Variants in ITM2C observed in about 807,000 individuals in gnomAD.
ITM2C encodes the protein BRICHOS domain containing 2C.
Under a neutral mutation model 30.0 loss-of-function variants are expected in ITM2C, and 20 were observed. The ratio of observed to expected loss-of-function variants is 0.67; its 90% CI spans 0.47 to 0.97. ITM2C has a LOEUF of 0.97. Ranked by LOEUF, ITM2C falls within the 50% of genes least tolerant of loss-of-function variation. ITM2C has a pLI of 0.00. For synonymous variants in ITM2C, 167 were observed against 156.4 expected (o/e 1.07, Z -0.51); for missense variants, 366 against 371.9 (o/e 0.98, Z 0.13).
chr2:230,878,136 T>G lies in ITM2C; in HGVS notation c.*37T>G. On this transcript the variant is annotated 3_prime_UTR_variant, in exon 6 of 6. Coordinates refer to ENST00000326427, the MANE Select transcript of ITM2C (RefSeq NM_030926.6). The surrounding 1 kb of genome is among the most constrained non-coding windows in gnomAD (Gnocchi z 4.5). ...CCCAGAACCCCCTGCCGTGTTCCTC[T>G]TTTCTTCTTTCCGGCTGCTCTCTGG... is the stretch of plus-strand genomic sequence containing the variant. 2 of 1,459,898 alleles carry G rather than the reference T, an allele frequency of 1.4e-6. No individual in the cohort carries two copies. Among genetic ancestry groups the G allele is most frequent in the Non-Finnish European group, 1.9e-6 (2 of 1,075,596 alleles). 90.4% of individuals were successfully genotyped at this position (1,459,898 alleles called of 1,614,324 possible). A position where few individuals can be genotyped will look rare whatever the true frequency, so the allele number is the denominator to read the frequency against.
chr2:230,867,796 A>C (rs2918011), intron 1 of ITM2C, among the ~76,000 whole-genome samples: 1 of 151,170 alleles, frequency 6.6e-6, no homozygotes, highest in African/African-American at 2.4e-5. Flanking sequence ...GTAGCTGGGA[A>C]TAAAGGCACC....
In ITM2C at chr2:230,875,691, G is replaced by A. The variant is rs748123025; in HGVS notation, c.333G>A (p.Gln111=). 6.2e-7 allele frequency: 1 copy of A among 1,613,998 alleles called. No individual in the cohort carries two copies. Among genetic ancestry groups the A allele is most frequent in the South Asian group, 1.1e-5 (1 of 91,072 alleles). The stretch of plus-strand genomic sequence containing the variant: ...CCCTGTCCTCCCAGGTCCGGACTCA[G>A]ATGGAGCTGGAAGAGGATGTGAAAA... ...EDSLSSQVRT[Q]MELEEDVKIY... is the part of the protein sequence containing the mutation. The change falls in exon 3 of 6, where the codon CAG becomes CAA. Residue 111 remains glutamine (Q), a synonymous_variant. Transcript: ENST00000326427.
chr2:230,878,180 C>A lies in ITM2C; in HGVS notation c.*81C>A. 9.7e-7 allele frequency: 1 copy of A among 1,028,906 alleles called. No homozygotes were observed. The highest frequency in any genetic ancestry group is 1.4e-6 in the Non-Finnish European group (1 of 710,166). 63.7% of individuals were successfully genotyped at this position (1,028,906 alleles called of 1,614,324 possible). On this transcript the variant is annotated 3_prime_UTR_variant, in exon 6 of 6. Transcript: ENST00000326427. This position sits in a 1 kb window ranked among gnomAD's most constrained non-coding sequence, Gnocchi z 4.5. The stretch of plus-strand genomic sequence containing the variant: ...TCTCTGGCCCTCCTCCTTCCCCCTG[C>A]TTAGCTTGTACTTTGGACGCGTTTC...
intron 2 of ITM2C, among the ~76,000 whole-genome samples, chr2:230,875,192 T>G (rs1266679438): frequency 6.6e-6 from 1 of 152,202 alleles, no homozygotes; most frequent in African/African-American, 2.4e-5. Flanking sequence ...TCTGCACCTC[T>G]GTGGAGGGCA....
chr2:230,871,171 G>A lies in ITM2C; in HGVS notation c.121-2246G>A, dbSNP rs1417771707. ...GAGAAGGGGGAGGTTGCAGGGCCCC[G>A]CTGGGCCTGTAGCCCCACTTGACCC... On this transcript the variant is annotated intron_variant, in intron 1 of 5. Transcript: ENST00000326427. Among the ~76,000 whole-genome samples the A allele has an allele frequency of 3.9e-5, 6 of 152,340 alleles. No individual in the cohort carries two copies. The South Asian group carries it at 6.2e-4, about 16-fold the overall frequency.
Position 230,875,683 on chromosome 2 carries a change from CG to C in ITM2C, c.327del (p.Thr110LeufsTer9). Reference protein sequence around the residue: ...LYEDSLSSQVRTQMELEEDVK... With the variant: ...LYEDSLSSQVXTQMELEEDVK... ...TGAGGACTCCCTGTCCTCCCAGGTCCGGACTCAGATGGAGCTGGAAGAGGAT... is the reference window on the plus strand; with the variant it reads ...TGAGGACTCCCTGTCCTCCCAGGTCCGACTCAGATGGAGCTGGAAGAGGAT... On this transcript the variant is annotated frameshift_variant, in exon 3 of 6. Coordinates refer to ENST00000326427, the MANE Select transcript of ITM2C (RefSeq NM_030926.6). LOFTEE classifies it high-confidence loss of function. 1 of 1,613,938 alleles carries C rather than the reference CG, an allele frequency of 6.2e-7. No homozygotes were observed. The highest frequency in any genetic ancestry group is 1.3e-5 in the African/African-American group (1 of 75,042).
Position 230,878,161 on chromosome 2 carries a change from G to A in ITM2C, c.*62G>A. Reference sequence around the variant, plus strand: ...TTTTCTTCTTTCCGGCTGCTCTCTGGCCCTCCTCCTTCCCCCTGCTTAGCT... The same window carrying A: ...TTTTCTTCTTTCCGGCTGCTCTCTGACCCTCCTCCTTCCCCCTGCTTAGCT... On this transcript the variant is annotated 3_prime_UTR_variant, in exon 6 of 6. Coordinates refer to ENST00000326427, the MANE Select transcript of ITM2C (RefSeq NM_030926.6). This position sits in a 1 kb window ranked among gnomAD's most constrained non-coding sequence, Gnocchi z 4.5. 9.8e-6 allele frequency: 12 copies of A among 1,221,562 alleles called. No homozygotes were observed. Among genetic ancestry groups the A allele is most frequent in the Non-Finnish European group, 1.4e-5 (12 of 870,718 alleles). The allele number at this position is 1,221,562 out of a possible 1,614,324, so 75.7% of individuals were successfully genotyped here. A position where few individuals can be genotyped will look rare whatever the true frequency, so the allele number is the denominator to read the frequency against.
chr2:230,869,257 C>T (rs937558976), intron 1 of ITM2C, among the ~76,000 whole-genome samples: 13 of 152,210 alleles, frequency 8.5e-5, no homozygotes, highest in African/African-American at 2.9e-4. Context: ...AAGCCGAGAG[C>T]GCATCTGCAC....
Position 230,867,148 on chromosome 2 carries a change from T to A in ITM2C, c.120+2003T>A, listed in dbSNP as rs372500222. Among the ~76,000 whole-genome samples, 5 of 152,256 alleles carry A rather than the reference T, an allele frequency of 3.3e-5. No homozygotes were observed. The East Asian group carries it at 7.8e-4, about 24-fold the overall frequency. On this transcript the variant is annotated intron_variant, in intron 1 of 5. Coordinates refer to ENST00000326427, the MANE Select transcript of ITM2C (RefSeq NM_030926.6). ...GGGCAGGGTCCCCTCCCTCTCTAAT[T>A]GGCAAGGGGGAGCTTAGGACTATGC... is the stretch of plus-strand genomic sequence containing the variant.
Position 230,878,960 on chromosome 2 carries a change from A to C in ITM2C, c.*861A>C, listed in dbSNP as rs1054832008. ...TTGGAACTGTTTTGAAAGATAACACAGAGGGAAAGGGAGAGCCACCTGGTA... is the reference window on the plus strand; with the variant it reads ...TTGGAACTGTTTTGAAAGATAACACCGAGGGAAAGGGAGAGCCACCTGGTA... On this transcript the variant is annotated 3_prime_UTR_variant, in exon 6 of 6. Transcript: ENST00000326427. The surrounding 1 kb of genome is among the most constrained non-coding windows in gnomAD (Gnocchi z 4.5). 1 of 152,630 alleles carries C rather than the reference A, an allele frequency of 6.6e-6. No individual in the cohort carries two copies. The highest frequency in any genetic ancestry group is 2.1e-4 in the South Asian group (1 of 4,826). The allele number at this position is 152,630 out of a possible 1,614,324, so 9.5% of individuals were successfully genotyped here.
chr2:230,876,334 C>A (rs1697296623), intron 3 of ITM2C, among the ~76,000 whole-genome samples: 1 of 152,298 alleles, frequency 6.6e-6, no homozygotes, highest in Non-Finnish European at 1.5e-5. Flanking sequence ...TGCTATTTTC[C>A]TCTATCATGT....
At chr2:230,872,802 C>T (rs1399035741) in intron 1 of ITM2C, among the ~76,000 whole-genome samples, 1 of 152,240 alleles carries the variant, frequency 6.6e-6, no homozygotes, top group Admixed American at 6.5e-5. Context: ...AGCCCCTGCC[C>T]CCATCAGTCA....
At position 230,878,034 on chromosome 2, in the gene ITM2C, T is replaced by C. The variant is rs767222051; in HGVS notation, c.739T>C (p.Cys247Arg). The C allele has an allele frequency of 6.2e-7, 1 of 1,611,662 alleles. No homozygotes were observed. Among genetic ancestry groups the C allele is most frequent in the Non-Finnish European group, 8.5e-7 (1 of 1,178,694 alleles). Reference sequence around the variant, plus strand: ...GATCAACAAGCGTGGGGCCAAGAACTGCAATGCCATCCGCCACTTCGAGAA... The same window carrying C: ...GATCAACAAGCGTGGGGCCAAGAACCGCAATGCCATCCGCCACTTCGAGAA... ...RRINKRGAKNCNAIRHFENTF... is the reference protein window; with the variant it reads ...RRINKRGAKNRNAIRHFENTF... The change falls in exon 6 of 6, where the codon TGC becomes CGC. Residue 247 changes from cysteine (C) to arginine (R), a missense_variant. Physicochemically the swap from Cys to Arg is radical, Grantham distance 180. Transcript: ENST00000326427. The surrounding 1 kb of genome is among the most constrained non-coding windows in gnomAD (Gnocchi z 4.5).
rs371675792 is a variant in ITM2C at position 230,877,007 on chromosome 2, C to A, written c.561+40C>A. 10 of 1,326,784 alleles carry A rather than the reference C, an allele frequency of 7.5e-6. No individual in the cohort carries two copies. Among genetic ancestry groups the A allele is most frequent in the South Asian group, 5.9e-5 (5 of 84,984 alleles). 82.2% of individuals were successfully genotyped at this position (1,326,784 alleles called of 1,614,324 possible). A position where few individuals can be genotyped will look rare whatever the true frequency, so the allele number is the denominator to read the frequency against. On this transcript the variant is annotated intron_variant, in intron 4 of 5. Coordinates refer to ENST00000326427, the MANE Select transcript of ITM2C (RefSeq NM_030926.6). The surrounding 1 kb of genome is among the most constrained non-coding windows in gnomAD (Gnocchi z 4.8). Reference sequence around the variant, plus strand: ...GGGGGGATGTCTGCAGCATCCTGTCCCTCCCTTGCCCCCTGTCTCATGGAG... The same window carrying A: ...GGGGGGATGTCTGCAGCATCCTGTCACTCCCTTGCCCCCTGTCTCATGGAG...
upstream of ITM2C, chr2:230,864,705 CGAGTGAGT>C (rs201769471): frequency 3.2e-5 from 5 of 158,480 alleles, no homozygotes; most frequent in Admixed American, 1.3e-4. The surrounding 1 kb of genome is among the most constrained non-coding windows in gnomAD (Gnocchi z 4.3). Context: ...AATGAGTGAG[CGAGTGAGT>C]GAGTGAGTGA....
rs367785623 is a variant in ITM2C at position 230,876,983 on chromosome 2, G to C, written c.561+16G>C. 2 of 1,543,642 alleles carry C rather than the reference G, an allele frequency of 1.3e-6. No homozygotes were observed. Among genetic ancestry groups the C allele is most frequent in the Admixed American group, 1.7e-5 (1 of 59,906 alleles). ...GAACGTGAAGGTGCGCAGGGGGTTG[G>C]GGGGATGTCTGCAGCATCCTGTCCC... On this transcript the variant is annotated intron_variant, in intron 4 of 5. Transcript: ENST00000326427.
chr2:230,867,723 G>A (rs895500190), intron 1 of ITM2C, among the ~76,000 whole-genome samples: 2 of 150,440 alleles, frequency 1.3e-5, no homozygotes, highest in African/African-American at 2.4e-5. Flanking sequence ...TCCGTGGCAC[G>A]ATCTTGGCTC....
intron 1 of ITM2C, among the ~76,000 whole-genome samples, chr2:230,866,561 C>T (rs1417704865): frequency 1.3e-5 from 2 of 152,108 alleles, no homozygotes; most frequent in Non-Finnish European, 2.9e-5. Context: ...ACCACCTAGG[C>T]GAGGTTGGGG....
chr2:230,875,582 C>A, intron 2 of ITM2C, 38 bp from the exon 3 acceptor site: 1 of 1,555,342 alleles, frequency 6.4e-7, no homozygotes. Flanking sequence ...GTATGACCAG[C>A]CTCTCTGACT....
Sources: gnomAD v4.1 joint callset for allele counts (sites outside exome capture counted in the v4.1 genomes callset) on GRCh38, gnomAD v4.1.1 for gene constraint, Gnocchi (gnomAD v3.1) non-coding constraint, MANE v1.5 for transcripts, NCBI Gene and HGNC (gene_info 2026-07-23, HGNC 2026-07-21) for gene names.